NFE2L3: variants seen among roughly 807,000 people sequenced by gnomAD.
The protein encoded by NFE2L3 is NFE2 like bZIP transcription factor 3.
A neutral mutation model predicts 23.5 loss-of-function variants in NFE2L3; 18 were observed. That is an observed-to-expected ratio of 0.77 (90% CI 0.53 to 1.13). The LOEUF is 1.13. Among genes scored for constraint, NFE2L3 ranks in the 50% most tolerant of loss-of-function variants. The pLI is 0.00. For synonymous variants in NFE2L3, 424 were observed against 354.5 expected (o/e 1.20, Z -2.20); for missense variants, 1,152 against 877.2 (o/e 1.31, Z -3.96).
rs1782450484 is a variant in NFE2L3, at chr7:26,185,215, C to T, written c.1517C>T (p.Ala506Val). The change falls in exon 4 of 4, where the codon GCA becomes GTA. Residue 506 changes from alanine to valine, a missense_variant. Coordinates refer to ENST00000056233, the MANE Select transcript of NFE2L3 (RefSeq NM_004289.7). The part of the protein sequence containing the change: ...HNHTYHLQPT[A>V]PESTSEPFPW... ...CACACTTACCACTTACAGCCAACTG[C>T]ACCAGAATCTACTTCTGAACCTTTT... The T allele has an allele frequency of 1.2e-6, 2 of 1,613,812 alleles. No homozygotes were observed. The highest frequency in any genetic ancestry group is 1.3e-5 in the African/African-American group (1 of 74,920).
intron 3 of NFE2L3, 54 bp from the exon 4 acceptor site, chr7:26,184,479 C>G (rs1229114825): frequency 6.7e-7 from 1 of 1,502,206 alleles, no homozygotes; most frequent in African/African-American, 1.4e-5. Context: ...GGTAATAGAA[C>G]TGCTTCAGAA....
intron 1 of NFE2L3, among the ~76,000 whole-genome samples, chr7:26,171,077 C>T (rs774939752): frequency 6.6e-6 from 1 of 152,150 alleles, no homozygotes; most frequent in African/African-American, 2.4e-5. Flanking sequence ...ATAATTGGCA[C>T]AAACTTTTTT....
At chr7:26,182,978 G>T (rs146185614) in intron 2 of NFE2L3, among the ~76,000 whole-genome samples, 1 of 151,954 alleles carries the variant, frequency 6.6e-6, no homozygotes, top group African/African-American at 2.4e-5. Flanking sequence ...TTGTAGAAAC[G>T]GTCTTGTTGT....
intron 2 of NFE2L3, among the ~76,000 whole-genome samples, chr7:26,181,718 TAA>T (rs1289601713): frequency 6.6e-6 from 1 of 152,178 alleles, no homozygotes; most frequent in Non-Finnish European, 1.5e-5. Context: ...AAAAAGACTC[TAA>T]ATCAGTGTTT....
chr7:26,162,714 T>C (rs1583927958), intron 1 of NFE2L3, among the ~76,000 whole-genome samples: 1 of 151,718 alleles, frequency 6.6e-6, no homozygotes, highest in East Asian at 1.9e-4. Flanking sequence ...TTAGACTATT[T>C]CTTTTTTTTT....
intron 2 of NFE2L3, 98 bp downstream of exon 2, chr7:26,178,220 T>C: frequency 1.1e-6 from 1 of 947,840 alleles, no homozygotes. Context: ...TAAAACAGTA[T>C]GCTCTACTAT....
At position 26,152,438 on chromosome 7, in the gene NFE2L3, G is replaced by C. The variant is rs1784010383; in HGVS notation, c.-61G>C. 2.6e-6 allele frequency: 3 copies of C among 1,160,650 alleles called. No individual in the cohort carries two copies. Among genetic ancestry groups the C allele is most frequent in the African/African-American group, 3.2e-5 (2 of 61,542 alleles). 71.9% of individuals were successfully genotyped at this position (1,160,650 alleles called of 1,614,324 possible). A position where few individuals can be genotyped will look rare whatever the true frequency, so the allele number is the denominator to read the frequency against. The stretch of plus-strand genomic sequence containing the variant: ...GCGCGGGGTCCGCACGTGTCACCCC[G>C]GCGGCTGGGGCGCCGGGACCCGCGG... On this transcript the variant is annotated 5_prime_UTR_variant, in exon 1 of 4. Transcript: ENST00000056233. The surrounding 1 kb of genome is among the most constrained non-coding windows in gnomAD (Gnocchi z 4.4).
intron 3 of NFE2L3, chr7:26,184,228 GAGTTGCATCTTATTATAAAGTA>G: frequency 1.1e-5 from 4 of 363,448 alleles, no homozygotes; most frequent in Non-Finnish European, 2.0e-5. Flanking sequence ...CCGCTAGGAT[GAGTTGCATCTTATTATAAAGTA>G]GCAAATTACA....
In NFE2L3 at chr7:26,163,888, T is replaced by C. The variant is rs564825559; in HGVS notation, c.570+10820T>C. ...GTTCTCATTGTTCAACTCCCACTTA[T>C]GAGTAAGAACATGCAGTGTGTGGTT... On this transcript the variant is annotated intron_variant, in intron 1 of 3. Coordinates refer to ENST00000056233, the MANE Select transcript of NFE2L3 (RefSeq NM_004289.7). Among the ~76,000 whole-genome samples, 531 of 152,256 alleles carry C rather than the reference T, an allele frequency of 3.5e-3. 8 individuals carry two copies. Among genetic ancestry groups the C allele is most frequent in the South Asian group, 0.019 (93 of 4,824 alleles).
intron 1 of NFE2L3, among the ~76,000 whole-genome samples, chr7:26,170,685 T>A (rs2128098781): frequency 6.6e-6 from 1 of 152,294 alleles, no homozygotes; most frequent in Admixed American, 6.5e-5. Context: ...ATTCCAAGTA[T>A]CAGGAATTCC....
chr7:26,179,671 ACTTCAGACGGGG>A lies in NFE2L3; in HGVS notation c.750+1550_750+1561del, dbSNP rs1298480752. On this transcript the variant is annotated intron_variant, in intron 2 of 3. Coordinates refer to ENST00000056233, the MANE Select transcript of NFE2L3 (RefSeq NM_004289.7). Reference sequence around the variant, plus strand: ...CAGTGATCCGTCATCATGCCACTGCACTTCAGACGGGGTGACAGAGCAGGACCCTGTCTCAAA... The same window carrying A: ...CAGTGATCCGTCATCATGCCACTGCATGACAGAGCAGGACCCTGTCTCAAA... 5.3e-5 allele frequency among the ~76,000 whole-genome samples: 8 copies of A among 151,878 alleles called. No individual in the cohort carries two copies. The East Asian group carries it at 1.4e-3, about 26-fold the overall frequency.
chr7:26,182,300 T>C (rs1208762372), intron 2 of NFE2L3, among the ~76,000 whole-genome samples: 1 of 132,930 alleles, frequency 7.5e-6, no homozygotes, highest in African/African-American at 3.6e-5. Flanking sequence ...TTTTTACCAG[T>C]TAACTCATCA....
rs778835440 is a variant in NFE2L3, at chr7:26,184,550, T to G, written c.852T>G (p.Asp284Glu). The G allele has an allele frequency of 2.5e-6, 4 of 1,611,558 alleles. No homozygotes were observed. The highest frequency in any genetic ancestry group is 1.6e-4 in the Middle Eastern group (1 of 6,066). The stretch of plus-strand genomic sequence containing the variant: ...TTTTTCAGGGCATCTCATTGGGAGA[T>G]ATTCCTCTTCCAGGCAGTATCAGTG... The part of the protein sequence containing the change: ...ENSLEGISLG[D>E]IPLPGSISDG... The change falls in exon 4 of 4, where the codon GAT (aspartate) becomes GAG (glutamate). Residue 284 changes from aspartate to glutamate, a missense_variant. Transcript: ENST00000056233.
chr7:26,178,193 T>A (rs1443258747), intron 2 of NFE2L3, 71 bp downstream of exon 2: 1 of 1,350,114 alleles, frequency 7.4e-7, no homozygotes, highest in East Asian at 2.4e-5. Context: ...TGACAGTTTG[T>A]GTCAAGAATG....
intron 1 of NFE2L3, among the ~76,000 whole-genome samples, chr7:26,163,495 C>T (rs968201589): frequency 6.6e-6 from 1 of 152,058 alleles, no homozygotes; most frequent in East Asian, 1.9e-4. Context: ...TACAAGCGTG[C>T]GCTGCCAAGC....
At chr7:26,184,084 ACCC>A (rs765510229) in intron 3 of NFE2L3, 2 of 410,028 alleles carry the variant, frequency 4.9e-6, no homozygotes, top group Non-Finnish European at 8.8e-6. Flanking sequence ...GGACACCTGC[ACCC>A]CCATGTTTAT....
chr7:26,180,118 T>C (rs1784479843), intron 2 of NFE2L3, among the ~76,000 whole-genome samples: 2 of 152,184 alleles, frequency 1.3e-5, no homozygotes, highest in African/African-American at 2.4e-5. Flanking sequence ...CTATGGCTCT[T>C]GCATGGTTTC....
chr7:26,186,944 C>T lies in NFE2L3; in HGVS notation c.*1161C>T, dbSNP rs991324816. The T allele has an allele frequency of 1.3e-5, 2 of 152,194 alleles. No homozygotes were observed. Among genetic ancestry groups the T allele is most frequent in the Non-Finnish European group, 2.9e-5 (2 of 68,040 alleles). 9.4% of individuals were successfully genotyped at this position (152,194 alleles called of 1,614,324 possible). A position where few individuals can be genotyped will look rare whatever the true frequency, so the allele number is the denominator to read the frequency against. On this transcript the variant is annotated 3_prime_UTR_variant, in exon 4 of 4. Coordinates refer to ENST00000056233, the MANE Select transcript of NFE2L3 (RefSeq NM_004289.7). ...ACCTAGATGACTCAAGTTTGGGGAA[C>T]ATCAAGATTTTGACGGGTACTATAA... is the stretch of plus-strand genomic sequence containing the variant.
At chr7:26,180,433 T>C (rs1353458351) in intron 2 of NFE2L3, among the ~76,000 whole-genome samples, 4 of 152,202 alleles carry the variant, frequency 2.6e-5, no homozygotes, top group African/African-American at 4.8e-5. Flanking sequence ...GGATGCATTG[T>C]ATGGTTTTAC....
Sources: allele counts gnomAD v4.1 joint callset (sites outside exome capture counted in the v4.1 genomes callset), GRCh38; gene constraint gnomAD v4.1.1; non-coding constraint Gnocchi (gnomAD v3.1); transcripts MANE v1.5; gene names NCBI Gene and HGNC (gene_info 2026-07-23, HGNC 2026-07-21).